Variants in CACNG5 observed in about 807,000 individuals in gnomAD.
CACNG5 encodes voltage-dependent calcium channel gamma-5 subunit.
In CACNG5, 18 loss-of-function variants were observed where a neutral mutation model predicts 24.8. That is an observed-to-expected ratio of 0.73 (90% CI 0.50 to 1.08). CACNG5 has a LOEUF of 1.08. Among genes scored for constraint, CACNG5 ranks in the 50% least tolerant of loss-of-function variants. The probability of loss-of-function intolerance (pLI) is 0.00; values close to 1 mark genes in which losing one functional copy is unlikely to be tolerated. For missense variants in CACNG5, 349 were observed against 367.9 expected (o/e 0.95, Z 0.42); for synonymous variants, 157 against 149.1 (o/e 1.05, Z -0.39).
chr17:66,865,419 A>G (rs1402871259), intron 1 of CACNG5, among the ~76,000 whole-genome samples: 1 of 152,138 alleles, frequency 6.6e-6, no homozygotes, highest in Non-Finnish European at 1.5e-5. Flanking sequence ...AGTATCATCA[A>G]TAGTATAGAG....
chr17:66,838,026 C>T lies in CACNG5; in HGVS notation c.-104+2776C>T, dbSNP rs372500802. On this transcript the variant is annotated intron_variant, in intron 1 of 5. Coordinates refer to ENST00000533854, the MANE Select transcript of CACNG5 (RefSeq NM_145811.3). The stretch of plus-strand genomic sequence containing the variant: ...GAAATAGTCCCTGATGCAAAAGCAT[C>T]GTTTCTTTTCATGCTGCTCTACCCG... Among the ~76,000 whole-genome samples, 10 of 151,982 alleles carry T rather than the reference C, an allele frequency of 6.6e-5. No homozygotes were observed. The East Asian group carries it at 7.8e-4, about 12-fold the overall frequency.
chr17:66,880,261 T>C (rs1408199039), intron 3 of CACNG5, among the ~76,000 whole-genome samples: 11 of 152,212 alleles, frequency 7.2e-5, no homozygotes, highest in Non-Finnish European at 1.5e-5. Context: ...GGACTCCATA[T>C]TGGCAGACAG....
chr17:66,870,057 TG>T (rs1976982835), intron 1 of CACNG5, among the ~76,000 whole-genome samples: 1 of 151,048 alleles, frequency 6.6e-6, no homozygotes, highest in Non-Finnish European at 1.5e-5. Flanking sequence ...CACTCCAGCC[TG>T]GGCAAAAAGA....
At position 66,880,610 on chromosome 17, in the gene CACNG5, A is replaced by T. The variant is rs1287038745; in HGVS notation, c.337A>T (p.Ile113Phe). Residue 113 changes from isoleucine (I) to phenylalanine (F), a missense_variant, in exon 4 of 6, where the codon ATT becomes TTT. By Grantham distance (21) the Ile-to-Phe change is conservative. Coordinates refer to ENST00000533854, the MANE Select transcript of CACNG5 (RefSeq NM_145811.3). ...TCTGGTCAGCCTCTTCTTCATGTTC[A>T]TTGGGTTTATCCTGAACAACATCGG... is the stretch of plus-strand genomic sequence containing the variant. ...FPLVSLFFMF[I>F]GFILNNIGHI... The T allele has an allele frequency of 6.2e-7, 1 of 1,614,206 alleles. No homozygotes were observed.
rs922262687 is a variant in CACNG5 at position 66,889,753 on chromosome 17, C to T, written c.*4513C>T. Among the ~76,000 whole-genome samples, 15 of 152,220 alleles carry T rather than the reference C, an allele frequency of 9.9e-5. No homozygotes were observed. The highest frequency in any genetic ancestry group is 6.5e-4 in the Admixed American group (10 of 15,294). On this transcript the variant is annotated 3_prime_UTR_variant, in exon 6 of 6. Transcript: ENST00000533854. ...TTTCAGTGCAGTGGTTGAGGCCCACCGACGTTAGAAAAGGTAATTGCTTTA... is the reference window on the plus strand; with the variant it reads ...TTTCAGTGCAGTGGTTGAGGCCCACTGACGTTAGAAAAGGTAATTGCTTTA...
At position 66,890,831 on chromosome 17, in the gene CACNG5, A is replaced by C. The variant is rs1419908087; in HGVS notation, c.*5591A>C. 6.6e-6 allele frequency among the ~76,000 whole-genome samples: 1 copy of C among 152,200 alleles called. No homozygotes were observed. The highest frequency in any genetic ancestry group is 1.5e-5 in the Non-Finnish European group (1 of 68,042). On this transcript the variant is annotated 3_prime_UTR_variant, in exon 6 of 6. Transcript: ENST00000533854. The stretch of plus-strand genomic sequence containing the variant: ...CAACTCTAGAGGCTGTAAGTTTTAC[A>C]AGCAAAATGCAACCAAGCTCAAGTA...
At chr17:66,848,709 T>C (rs4791026) in intron 1 of CACNG5, among the ~76,000 whole-genome samples, 8,610 of 152,040 alleles carry the variant, frequency 0.057, 296 homozygotes, top group East Asian at 0.08. Context: ...CCTTGGACCT[T>C]CTCCCCCAGC....
chr17:66,877,362 C>G lies in CACNG5; in HGVS notation c.30C>G (p.Thr10=). 6.2e-7 allele frequency: 1 copy of G among 1,614,080 alleles called. No individual in the cohort carries two copies. The highest frequency in any genetic ancestry group is 8.5e-7 in the Non-Finnish European group (1 of 1,179,984). Residue 10 remains threonine (T), a synonymous_variant, in exon 2 of 6, where the codon ACC becomes ACG. Transcript: ENST00000533854. ...GTGCCTGCGGGAGGAAGGCCCTGACCCTGCTGAGCAGTGTCTTTGCTGTCT... is the reference window on the plus strand; with the variant it reads ...GTGCCTGCGGGAGGAAGGCCCTGACGCTGCTGAGCAGTGTCTTTGCTGTCT... MSACGRKAL[T]LLSSVFAVCG...
At position 66,888,182 on chromosome 17, in the gene CACNG5, CTTTT is replaced by C. The variant is rs1202304621; in HGVS notation, c.*2959_*2962del. ...CCCACACCTGGAACTTACTACCCTA[CTTTT>C]TTTTTTTTTTTTTTTTGAGATGATG... On this transcript the variant is annotated 3_prime_UTR_variant, in exon 6 of 6. Transcript: ENST00000533854. Among the ~76,000 whole-genome samples the C allele has an allele frequency of 8.4e-6, 1 of 118,630 alleles. No individual in the cohort carries two copies. Among genetic ancestry groups the C allele is most frequent in the Non-Finnish European group, 1.7e-5 (1 of 58,824 alleles). The allele number at this position is 118,630 out of a possible 152,430, so 77.8% of individuals were successfully genotyped here.
intron 1 of CACNG5, among the ~76,000 whole-genome samples, chr17:66,869,487 G>C (rs530561229): frequency 6.6e-5 from 10 of 152,296 alleles, no homozygotes; most frequent in Admixed American, 3.9e-4. Flanking sequence ...CTCTTATGAA[G>C]TTATCCCTGT....
Position 66,889,447 on chromosome 17 carries a change from C to T in CACNG5, c.*4207C>T, listed in dbSNP as rs1479283685. Among the ~76,000 whole-genome samples, 1 of 152,172 alleles carries T rather than the reference C, an allele frequency of 6.6e-6. No homozygotes were observed. The highest frequency in any genetic ancestry group is 2.4e-5 in the African/African-American group (1 of 41,448). On this transcript the variant is annotated 3_prime_UTR_variant, in exon 6 of 6. Transcript: ENST00000533854. ...GAATCACATGTAGGGGGCACCCCTC[C>T]TTAATGTTTGAGTAACTCTCCCTTC...
At position 66,888,388 on chromosome 17, in the gene CACNG5, C is replaced by CA. The variant is rs1177108147; in HGVS notation, c.*3154dup. ...TGAAACCCTGTCTCTACTAAAAATACAAAAAATTAGCTGGGCGTGGTGGTG... is the reference window on the plus strand; with the variant it reads ...TGAAACCCTGTCTCTACTAAAAATACAAAAAAATTAGCTGGGCGTGGTGGTG... On this transcript the variant is annotated 3_prime_UTR_variant, in exon 6 of 6. Coordinates refer to ENST00000533854, the MANE Select transcript of CACNG5 (RefSeq NM_145811.3). 1.3e-5 allele frequency among the ~76,000 whole-genome samples: 2 copies of CA among 150,830 alleles called. No individual in the cohort carries two copies. The highest frequency in any genetic ancestry group is 1.3e-4 in the Admixed American group (2 of 15,170).
intron 1 of CACNG5, among the ~76,000 whole-genome samples, chr17:66,851,222 A>G (rs906999904): frequency 6.6e-6 from 1 of 152,190 alleles, no homozygotes; most frequent in Non-Finnish European, 1.5e-5. Context: ...CTAAGTTTCT[A>G]ACGCCCCCCA....
chr17:66,882,659 CG>C (rs1977177246), intron 4 of CACNG5, among the ~76,000 whole-genome samples: 1 of 151,938 alleles, frequency 6.6e-6, no homozygotes, highest in South Asian at 2.1e-4. Flanking sequence ...TTAGGTGCCC[CG>C]GATGACTGAC....
At chr17:66,880,364 C>T (rs557713187) in intron 3 of CACNG5, among the ~76,000 whole-genome samples, 193 bp from the exon 4 acceptor site, 2 of 152,324 alleles carry the variant, frequency 1.3e-5, no homozygotes, top group African/African-American at 4.8e-5. Flanking sequence ...TCCGGGCCCA[C>T]CTCAGGGACA....
intron 2 of CACNG5, 35 bp from the exon 3 acceptor site, chr17:66,878,937 A>C: frequency 6.5e-7 from 1 of 1,535,356 alleles, no homozygotes; most frequent in Non-Finnish European, 9.0e-7. Flanking sequence ...TCCATGTTCA[A>C]GAGGGACCTG....
At chr17:66,884,165 T>G (rs993853414) in intron 4 of CACNG5, among the ~76,000 whole-genome samples, 1 of 144,518 alleles carries the variant, frequency 6.9e-6, no homozygotes, top group African/African-American at 2.6e-5. Context: ...AAGAAGAAAA[T>G]ACAGTGCCAG....
In CACNG5 at chr17:66,887,038, A is replaced by T. The variant is rs1977271456; in HGVS notation, c.*1798A>T. Reference sequence around the variant, plus strand: ...ATTGGTGGTTAATTTTCATGAAATAACCTCTTTAAAGGCTCTATCTCCAAA... The same window carrying T: ...ATTGGTGGTTAATTTTCATGAAATATCCTCTTTAAAGGCTCTATCTCCAAA... On this transcript the variant is annotated 3_prime_UTR_variant, in exon 6 of 6. Transcript: ENST00000533854. Among the ~76,000 whole-genome samples the T allele has an allele frequency of 6.6e-6, 1 of 152,004 alleles. No individual in the cohort carries two copies. Among genetic ancestry groups the T allele is most frequent in the African/African-American group, 2.4e-5 (1 of 41,376 alleles).
At chr17:66,853,971 A>G (rs1479541178) in intron 1 of CACNG5, among the ~76,000 whole-genome samples, 1 of 152,208 alleles carries the variant, frequency 6.6e-6, no homozygotes, top group Admixed American at 6.5e-5. Context: ...ATGAAAAACT[A>G]CAAAACTGTC....
Sources: allele counts gnomAD v4.1 joint callset (sites outside exome capture counted in the v4.1 genomes callset), GRCh38; gene constraint gnomAD v4.1.1; transcripts MANE v1.5; gene names NCBI Gene and HGNC (gene_info 2026-07-23, HGNC 2026-07-21).